Variants in RSU1 observed in about 807,000 individuals in gnomAD.
RSU1 encodes the protein rsu-1.
In RSU1, 26 loss-of-function variants were observed where a neutral mutation model predicts 31.1. The ratio of observed to expected loss-of-function variants is 0.84; its 90% CI spans 0.61 to 1.16. The LOEUF is 1.16. RSU1 is among the 50% of genes most tolerant of loss of function. The pLI, the probability that RSU1 is intolerant of heterozygous loss-of-function variation, is 0.00. For missense variants in RSU1, 320 were observed against 339.1 expected, an observed-to-expected ratio of 0.94 and a Z score of 0.44; for synonymous variants, 164 against 136.3, an observed-to-expected ratio of 1.20 and a Z score of -1.41.
rs148831658 is a variant in RSU1 at position 16,662,275 on chromosome 10, C to A, written c.731+32748G>T. On this transcript the variant is annotated intron_variant, in intron 8 of 8. Transcript: ENST00000345264. Reference sequence around the variant, plus strand: ...CACAGATTATTTTACTTCATGTGCCCATGGTGTCTACAGACAGCACTTCTC... The same window carrying A: ...CACAGATTATTTTACTTCATGTGCCAATGGTGTCTACAGACAGCACTTCTC... Among the ~76,000 whole-genome samples, 88 of 152,262 alleles carry A rather than the reference C, an allele frequency of 5.8e-4. 4 individuals are homozygous for A. Among genetic ancestry groups the A allele is most frequent in the Non-Finnish European group, 4.4e-5 (3 of 68,022 alleles).
intron 7 of RSU1, among the ~76,000 whole-genome samples, chr10:16,707,925 T>C (rs1835938636): frequency 6.6e-6 from 1 of 152,200 alleles, no homozygotes; most frequent in African/African-American, 2.4e-5. Flanking sequence ...ACTCATTCTT[T>C]TGCATGTTGA....
chr10:16,720,579 C>T (rs1836236770), intron 7 of RSU1, among the ~76,000 whole-genome samples: 1 of 152,216 alleles, frequency 6.6e-6, no homozygotes. Context: ...AACATTTTCT[C>T]ATGCGCTAGA....
rs141953967 is a variant in RSU1, at chr10:16,652,363, T to TAAC, written c.731+42657_731+42659dup. ...TCAGAAGCTACAGGAGGGGCGCTGA[T>TAAC]AACAAGAGATGATTCACCTGCCCCA... On this transcript the variant is annotated intron_variant, in intron 8 of 8. Coordinates refer to ENST00000345264, the MANE Select transcript of RSU1 (RefSeq NM_012425.4). Among the ~76,000 whole-genome samples, 440 of 90,346 alleles carry TAAC rather than the reference T, an allele frequency of 4.9e-3. 3 individuals are homozygous for TAAC. The highest frequency in any genetic ancestry group is 0.018 in the African/African-American group (417 of 23,622). The allele number at this position is 90,346 out of a possible 152,430, so 59.3% of individuals were successfully genotyped here.
chr10:16,683,256 C>T (rs1387073709), intron 8 of RSU1, among the ~76,000 whole-genome samples: 3 of 151,716 alleles, frequency 2.0e-5, no homozygotes, highest in Admixed American at 6.6e-5. Flanking sequence ...ACGTGTCTCC[C>T]TGTGAAGGTG....
At chr10:16,756,899 TG>T in intron 4 of RSU1, among the ~76,000 whole-genome samples, 1 of 87,834 alleles carries the variant, frequency 1.1e-5, no homozygotes, top group African/African-American at 4.5e-5. Context: ...GTGTGAGGGG[TG>T]GGGTGTGGTG....
chr10:16,772,275 A>G (rs899393893), intron 3 of RSU1, among the ~76,000 whole-genome samples: 1 of 152,204 alleles, frequency 6.6e-6, no homozygotes, highest in Admixed American at 6.5e-5. Context: ...TGCATAACCA[A>G]ACAAATTTCC....
intron 7 of RSU1, among the ~76,000 whole-genome samples, chr10:16,709,320 T>A (rs569905735): frequency 9.2e-4 from 140 of 152,348 alleles, no homozygotes; most frequent in African/African-American, 3.3e-3. Flanking sequence ...ACAAAGGACA[T>A]GAACTCATCA....
intron 2 of RSU1, among the ~76,000 whole-genome samples, chr10:16,802,083 G>A (rs1048470152): frequency 1.3e-5 from 2 of 151,596 alleles, no homozygotes; most frequent in Admixed American, 6.6e-5. Flanking sequence ...AAAAATTAGG[G>A]CAGAAATCAG....
intron 8 of RSU1, among the ~76,000 whole-genome samples, chr10:16,637,135 C>T (rs1834356387): frequency 1.3e-5 from 2 of 152,220 alleles, no homozygotes; most frequent in African/African-American, 4.8e-5. Flanking sequence ...GAGGCCACTG[C>T]TCTCCAAGCC....
chr10:16,673,663 G>A (rs993983609), intron 8 of RSU1, among the ~76,000 whole-genome samples: 24 of 152,202 alleles, frequency 1.6e-4, no homozygotes, highest in African/African-American at 5.8e-4. Context: ...CATCTCAAAT[G>A]ACGCAGGTGG....
intron 8 of RSU1, among the ~76,000 whole-genome samples, chr10:16,661,447 A>T (rs1402162611): frequency 6.6e-6 from 1 of 152,144 alleles, no homozygotes; most frequent in African/African-American, 2.4e-5. Context: ...AGTTCCACCA[A>T]TTTGGAAACA....
chr10:16,761,786 G>A (rs1837216009), intron 4 of RSU1, among the ~76,000 whole-genome samples: 1 of 152,120 alleles, frequency 6.6e-6, no homozygotes, highest in African/African-American at 2.4e-5. Flanking sequence ...AACTCAGGAG[G>A]TGGAGCTTGC....
At chr10:16,632,473 C>G (rs182048359) in intron 8 of RSU1, among the ~76,000 whole-genome samples, 67 of 152,232 alleles carry the variant, frequency 4.4e-4, no homozygotes, top group Admixed American at 4.4e-3. Context: ...AAAAAAAGCT[C>G]CTAATTATGA....
At position 16,660,648 on chromosome 10, in the gene RSU1, T is replaced by C. The variant is rs1223771817; in HGVS notation, c.731+34375A>G. Among the ~76,000 whole-genome samples the C allele has an allele frequency of 1.4e-3, 193 of 134,646 alleles. 1 individual carries two copies. The highest frequency in any genetic ancestry group is 5.2e-3 in the African/African-American group (187 of 36,076). 88.3% of individuals were successfully genotyped at this position (134,646 alleles called of 152,430 possible). On this transcript the variant is annotated intron_variant, in intron 8 of 8. Transcript: ENST00000345264. ...AGTTCATTTATTCTTGAACTCTCTTTTTTTTTTTTTTTTTTTGAGGAAGGC... is the reference window on the plus strand; with the variant it reads ...AGTTCATTTATTCTTGAACTCTCTTCTTTTTTTTTTTTTTTTGAGGAAGGC...
At position 16,748,372 on chromosome 10, in the gene RSU1, T is replaced by A. The variant is rs1588510067; in HGVS notation, c.598+4167A>T. Reference sequence around the variant, plus strand: ...CCAGCCTCTTGCTTCTGTCACCATGTCTTCTACTCCTACCTCTGACCCTCC... The same window carrying A: ...CCAGCCTCTTGCTTCTGTCACCATGACTTCTACTCCTACCTCTGACCCTCC... On this transcript the variant is annotated intron_variant, in intron 7 of 8. Coordinates refer to ENST00000345264, the MANE Select transcript of RSU1 (RefSeq NM_012425.4). 2.0e-5 allele frequency: 3 copies of A among 152,258 alleles called. No individual in the cohort carries two copies. In the East Asian group the frequency reaches 5.8e-4, roughly 30 times the overall value. The allele number at this position is 152,258 out of a possible 1,614,324, so 9.4% of individuals were successfully genotyped here.
At chr10:16,671,307 G>T (rs183911995) in intron 8 of RSU1, among the ~76,000 whole-genome samples, 78 of 152,098 alleles carry the variant, frequency 5.1e-4, no homozygotes, top group Middle Eastern at 3.4e-3. Flanking sequence ...TCCTCCCAAA[G>T]AGCTGGGATT....
At chr10:16,701,399 T>C (rs986862392) in intron 7 of RSU1, among the ~76,000 whole-genome samples, 8 of 152,220 alleles carry the variant, frequency 5.3e-5, no homozygotes, top group African/African-American at 1.7e-4. Flanking sequence ...ATCAACGCAA[T>C]GTAAGCTGGG....
intron 8 of RSU1, among the ~76,000 whole-genome samples, chr10:16,673,891 C>T (rs1291151610): frequency 6.6e-6 from 1 of 152,120 alleles, no homozygotes; most frequent in Non-Finnish European, 1.5e-5. Flanking sequence ...AGAGCTGCCT[C>T]CCCTCCCCTC....
At chr10:16,780,274 T>A (rs1279763380) in intron 3 of RSU1, among the ~76,000 whole-genome samples, 6 of 152,224 alleles carry the variant, frequency 3.9e-5, no homozygotes, top group African/African-American at 9.6e-5. Context: ...TTCTTCCTGT[T>A]GGAGACAGGG....
Sources: gnomAD v4.1 joint callset for allele counts (sites outside exome capture counted in the v4.1 genomes callset) on GRCh38, gnomAD v4.1.1 for gene constraint, MANE v1.5 for transcripts, NCBI Gene and HGNC (gene_info 2026-07-23, HGNC 2026-07-21) for gene names.